The following ANKS3 variants were observed in gnomAD, a reference collection of about 807,000 sequenced individuals.
ANKS3 encodes ankyrin repeat and sterile alpha motif domain containing 3, also known as ankyrin repeat and SAM domain-containing protein 3.
A neutral mutation model predicts 80.7 loss-of-function variants in ANKS3; 62 were observed. The observed-to-expected ratio is 0.77, with a 90% CI of 0.63 to 0.95. The LOEUF (loss-of-function observed/expected upper bound fraction) is 0.95, where lower values mean the gene tolerates loss of function less well. Ranked by LOEUF, ANKS3 falls within the 40% of genes least tolerant of loss-of-function variation. The pLI is 0.00. For missense variants in ANKS3, 1,150 were observed against 883.6 expected (o/e 1.30, Z -3.82); for synonymous variants, 489 against 355.3 (o/e 1.38, Z -4.23).
chr16:4,705,950 G>GA (rs1465945307), intron 7 of ANKS3, among the ~76,000 whole-genome samples: 1 of 151,050 alleles, frequency 6.6e-6, no homozygotes, highest in Non-Finnish European at 1.5e-5. Flanking sequence ...TTTTGAGAAG[G>GA]AGTTTTGCTC....
rs1434849924 is a variant in ANKS3, at chr16:4,697,373, G to T, written c.1854C>A (p.Pro618=). ...WQASLQAMSL[P]ELSGALEDRV... is the part of the protein sequence containing the mutation. ...GGTCCTCCAGGGCTCCCGAGAGCTC[G>T]GGGAGGCTCATGGCCTGCAGGGACG... is the stretch of plus-strand genomic sequence containing the variant. Residue 618 remains proline (P), a synonymous_variant, in exon 16 of 18, where the codon CCC becomes CCA. Transcript: ENST00000304283. The T allele has an allele frequency of 6.2e-7, 1 of 1,610,324 alleles. No individual in the cohort carries two copies. The highest frequency in any genetic ancestry group is 8.5e-7 in the Non-Finnish European group (1 of 1,178,324).
chr16:4,697,923 A>G (rs2079662930), intron 15 of ANKS3, 54 bp downstream of exon 15: 1 of 1,433,980 alleles, frequency 7.0e-7, no homozygotes. Flanking sequence ...ACCTGGCTTC[A>G]GGGCTCCCCC....
At chr16:4,719,581 T>C (rs373661411) in intron 6 of ANKS3, among the ~76,000 whole-genome samples, 3 of 151,628 alleles carry the variant, frequency 2.0e-5, no homozygotes, top group East Asian at 1.9e-4. Flanking sequence ...GGTGGGAAGA[T>C]TGCTTGAGGC....
intron 7 of ANKS3, among the ~76,000 whole-genome samples, chr16:4,707,791 C>T (rs962048710): frequency 2.0e-5 from 3 of 152,120 alleles, no homozygotes; most frequent in Non-Finnish European, 4.4e-5. Flanking sequence ...AATACAACTT[C>T]TCAAGCAAAA....
Position 4,731,533 on chromosome 16 carries a change from A to C in ANKS3, c.-24T>G, listed in dbSNP as rs993946026. The C allele has an allele frequency of 2.9e-6, 2 of 683,170 alleles. No homozygotes were observed. Among genetic ancestry groups the C allele is most frequent in the African/African-American group, 3.9e-5 (2 of 51,616 alleles). The allele number at this position is 683,170 out of a possible 1,614,324, so 42.3% of individuals were successfully genotyped here. On this transcript the variant is annotated 5_prime_UTR_variant, in exon 2 of 18. Transcript: ENST00000304283. Reference sequence around the variant, plus strand: ...TCACCTCAGGTGATCCGCCCGCCTCAGCCTCTCAAAGTCCTGGAAATATAG... The same window carrying C: ...TCACCTCAGGTGATCCGCCCGCCTCCGCCTCTCAAAGTCCTGGAAATATAG...
At chr16:4,720,056 G>C (rs1465891871) in intron 6 of ANKS3, among the ~76,000 whole-genome samples, 2 of 149,402 alleles carry the variant, frequency 1.3e-5, no homozygotes, top group Non-Finnish European at 3.0e-5. Flanking sequence ...CAGCTACTCG[G>C]GAGGCTGAGC....
chr16:4,708,702 A>G lies in ANKS3; in HGVS notation c.710-3449T>C, dbSNP rs564409254. Among the ~76,000 whole-genome samples the G allele has an allele frequency of 3.9e-5, 6 of 152,218 alleles. No individual in the cohort carries two copies. The South Asian group carries it at 1.2e-3, about 32-fold the overall frequency. On this transcript the variant is annotated intron_variant, in intron 7 of 17. Coordinates refer to ENST00000304283, the MANE Select transcript of ANKS3 (RefSeq NM_133450.4). ...GTAATTCTAGCAGTTTGGGAGGCCGAGGTGGGCAGATCACGAGGTGAGGAG... is the reference window on the plus strand; with the variant it reads ...GTAATTCTAGCAGTTTGGGAGGCCGGGGTGGGCAGATCACGAGGTGAGGAG...
At chr16:4,702,865 C>T (rs532932491) in intron 8 of ANKS3, among the ~76,000 whole-genome samples, 32 of 152,200 alleles carry the variant, frequency 2.1e-4, no homozygotes, top group African/African-American at 7.7e-4. Flanking sequence ...TGACCAGTCA[C>T]GGTGGCACAT....
chr16:4,720,288 C>A (rs1259100393), intron 6 of ANKS3, among the ~76,000 whole-genome samples: 1 of 150,422 alleles, frequency 6.6e-6, no homozygotes, highest in Non-Finnish European at 1.5e-5. Flanking sequence ...ATGGTGAAAC[C>A]CTGTCTCTAC....
intron 7 of ANKS3, among the ~76,000 whole-genome samples, chr16:4,706,401 TTG>T (rs1404354163): frequency 6.6e-6 from 1 of 151,882 alleles, no homozygotes; most frequent in Non-Finnish European, 1.5e-5. Context: ...CCAGCTAATC[TTG>T]TTTTTGTATT....
intron 11 of ANKS3, 200 bp downstream of exon 11, chr16:4,700,770 G>C (rs758675089): frequency 2.5e-6 from 2 of 800,622 alleles, no homozygotes; most frequent in South Asian, 1.3e-5. Context: ...TCCGTGGAGA[G>C]GAACAGAGTA....
At position 4,726,789 on chromosome 16, in the gene ANKS3, GAACA is replaced by G. The variant is rs773701593; in HGVS notation, c.370-13_370-10del. On this transcript the variant is annotated splice_polypyrimidine_tract_variant and intron_variant, in intron 4 of 17. Transcript: ENST00000304283. The stretch of plus-strand genomic sequence containing the variant: ...TCTAGCTCTGCACCTTGCTTCAAGA[GAACA>G]CAGAACGTGCGTTACGGCCTCATCT... 6.2e-7 allele frequency: 1 copy of G among 1,611,160 alleles called. No individual in the cohort carries two copies. The highest frequency in any genetic ancestry group is 8.5e-7 in the Non-Finnish European group (1 of 1,177,770).
intron 6 of ANKS3, among the ~76,000 whole-genome samples, chr16:4,719,071 C>CT (rs1178612692): frequency 1.3e-5 from 2 of 152,282 alleles, no homozygotes; most frequent in African/African-American, 4.8e-5. Context: ...ACCGTGGTTC[C>CT]TGCCTGTAAT....
Position 4,696,792 on chromosome 16 carries a change from C to G in ANKS3, c.*116G>C, listed in dbSNP as rs1026354025. 8.5e-6 allele frequency: 5 copies of G among 586,902 alleles called. No homozygotes were observed. The highest frequency in any genetic ancestry group is 9.1e-6 in the Non-Finnish European group (3 of 329,368). 36.4% of individuals were successfully genotyped at this position (586,902 alleles called of 1,614,324 possible). ...CCGGCTGCTCCCGGGGCCTGATCCT[C>G]TGGCCCCCACTGGGCCTGGGCTGCA... is the stretch of plus-strand genomic sequence containing the variant. On this transcript the variant is annotated 3_prime_UTR_variant, in exon 18 of 18. Transcript: ENST00000304283.
chr16:4,718,900 A>G (rs2080943929), intron 6 of ANKS3, among the ~76,000 whole-genome samples: 1 of 152,230 alleles, frequency 6.6e-6, no homozygotes, highest in Non-Finnish European at 1.5e-5. Context: ...TCTTACTCTC[A>G]GGAAATACAT....
intron 8 of ANKS3, among the ~76,000 whole-genome samples, chr16:4,703,610 G>A (rs549039814): frequency 1.3e-4 from 19 of 150,890 alleles, no homozygotes; most frequent in East Asian, 9.9e-4. Context: ...TAGTAAAGAT[G>A]GGATTTCACC....
In ANKS3 at chr16:4,733,919, C is replaced by G; in HGVS notation, c.-71+19G>C. 3.0e-6 allele frequency: 3 copies of G among 985,480 alleles called. No homozygotes were observed. Among genetic ancestry groups the G allele is most frequent in the Non-Finnish European group, 3.6e-6 (3 of 829,962 alleles). 61.0% of individuals were successfully genotyped at this position (985,480 alleles called of 1,614,324 possible). ...ACTGGCCCCGGGGCGGGTCCCTGGC[C>G]GACAAACCCGTAACTCACAGCAGTG... On this transcript the variant is annotated intron_variant, in intron 1 of 17. Transcript: ENST00000304283.
intron 1 of ANKS3, among the ~76,000 whole-genome samples, chr16:4,732,079 C>T (rs1276228599): frequency 6.6e-6 from 1 of 152,134 alleles, no homozygotes; most frequent in African/African-American, 2.4e-5. Flanking sequence ...AAGAAACAAG[C>T]CACCAATGTG....
chr16:4,705,637 TC>T lies in ANKS3; in HGVS notation c.710-385del, dbSNP rs200650296. The stretch of plus-strand genomic sequence containing the variant: ...GTGCCACCATGCCCAGTGTTTTTTT[TC>T]TTTTCTTTTTCAGTAGACACAGGCT... On this transcript the variant is annotated intron_variant, in intron 7 of 17. Coordinates refer to ENST00000304283, the MANE Select transcript of ANKS3 (RefSeq NM_133450.4). Among the ~76,000 whole-genome samples the T allele has an allele frequency of 6.9e-3, 1,051 of 151,276 alleles. 42 individuals are homozygous for T. In the East Asian group the frequency reaches 0.13, roughly 18 times the overall value.
Sources: gnomAD v4.1 joint callset for allele counts (sites outside exome capture counted in the v4.1 genomes callset) on GRCh38, gnomAD v4.1.1 for gene constraint, MANE v1.5 for transcripts, NCBI Gene and HGNC (gene_info 2026-07-23, HGNC 2026-07-21) for gene names.